The following C1QTNF3 variants were observed in gnomAD, a reference collection of about 807,000 sequenced individuals.
C1QTNF3 encodes complement C1q tumor necrosis factor-related protein 3.
Under a neutral mutation model 32.6 loss-of-function variants are expected in C1QTNF3, and 26 were observed. The observed-to-expected ratio is 0.80, with a 90% CI of 0.58 to 1.11. The LOEUF (loss-of-function observed/expected upper bound fraction) is 1.11, where lower values mean the gene tolerates loss of function less well. Ranked by LOEUF, C1QTNF3 falls within the 50% of genes least tolerant of loss-of-function variation. The pLI, the probability that C1QTNF3 is intolerant of heterozygous loss-of-function variation, is 0.00. For missense variants in C1QTNF3, 362 were observed against 398.2 expected (o/e 0.91, Z 0.77); for synonymous variants, 155 against 146.0 (o/e 1.06, Z -0.44).
the C1QTNF3 span, among the ~76,000 whole-genome samples, chr5:34,134,102 C>T: frequency 8.3e-4 from 127 of 152,208 alleles, 4 homozygotes; most frequent in East Asian, 0.022. Flanking sequence ...AACACCATAT[C>T]ATTTAAGACA....
upstream of C1QTNF3, among the ~76,000 whole-genome samples, chr5:34,046,002 C>T (rs1754979176): frequency 6.6e-6 from 1 of 152,074 alleles, no homozygotes; most frequent in Non-Finnish European, 1.5e-5. Context: ...CAGACAAAGC[C>T]AATTAGGTTT....
the C1QTNF3 span, among the ~76,000 whole-genome samples, chr5:34,064,743 C>T: frequency 1.3e-5 from 2 of 152,078 alleles, no homozygotes; most frequent in Non-Finnish European, 1.5e-5. Flanking sequence ...CAGAAGAGTG[C>T]GCAGTTGCAA....
At chr5:34,068,637 A>C in the C1QTNF3 span, among the ~76,000 whole-genome samples, 1 of 152,116 alleles carries the variant, frequency 6.6e-6, no homozygotes, top group African/African-American at 2.4e-5. Flanking sequence ...CCATAAGCTT[A>C]GTTACATTAT....
At chr5:34,228,286 T>C in the C1QTNF3 span, among the ~76,000 whole-genome samples, 1 of 151,694 alleles carries the variant, frequency 6.6e-6, no homozygotes, top group African/African-American at 2.4e-5. Flanking sequence ...TCTACACTTA[T>C]TTAACTAAAT....
At chr5:34,088,141 T>C in the C1QTNF3 span, among the ~76,000 whole-genome samples, 1 of 152,264 alleles carries the variant, frequency 6.6e-6, no homozygotes, top group African/African-American at 2.4e-5. Context: ...TCTCTAGATT[T>C]GCTTCATTAA....
the C1QTNF3 span, among the ~76,000 whole-genome samples, chr5:34,096,905 T>C: frequency 6.7e-6 from 1 of 149,976 alleles, no homozygotes; most frequent in Admixed American, 6.7e-5. Context: ...CAAAAAGGGA[T>C]GATGAAGGAT....
the C1QTNF3 span, among the ~76,000 whole-genome samples, chr5:34,229,092 C>G: frequency 1.3e-5 from 2 of 152,040 alleles, no homozygotes; most frequent in Non-Finnish European, 2.9e-5. Flanking sequence ...TAACATGCTG[C>G]ACGCAGGAAA....
chr5:34,173,094 G>A, the C1QTNF3 span, among the ~76,000 whole-genome samples: 1 of 152,054 alleles, frequency 6.6e-6, no homozygotes, highest in African/African-American at 2.4e-5. Flanking sequence ...TCCAAGTGTA[G>A]TAACTTACAG....
the C1QTNF3 span, among the ~76,000 whole-genome samples, chr5:34,239,789 A>G: frequency 6.6e-6 from 1 of 151,956 alleles, no homozygotes; most frequent in Non-Finnish European, 1.5e-5. Context: ...TTTGGACCTA[A>G]TAAGACATCT....
intron 3 of C1QTNF3, among the ~76,000 whole-genome samples, chr5:34,032,189 A>C (rs1754630033): frequency 6.6e-6 from 1 of 152,236 alleles, no homozygotes; most frequent in Non-Finnish European, 1.5e-5. Flanking sequence ...GATCCATTTC[A>C]AAATATTAGC....
the C1QTNF3 span, among the ~76,000 whole-genome samples, chr5:34,088,097 A>G: frequency 6.6e-6 from 1 of 152,292 alleles, no homozygotes; most frequent in Non-Finnish European, 1.5e-5. Flanking sequence ...TGTGTTAAAT[A>G]TGGTGCTCAA....
At chr5:34,041,284 T>C (rs923250224) in intron 1 of C1QTNF3, among the ~76,000 whole-genome samples, 1 of 152,214 alleles carries the variant, frequency 6.6e-6, no homozygotes, top group Non-Finnish European at 1.5e-5. Context: ...ATATCTCCTG[T>C]TGGTGGTTTG....
chr5:34,174,881 G>A, the C1QTNF3 span, among the ~76,000 whole-genome samples: 21 of 151,880 alleles, frequency 1.4e-4, no homozygotes, highest in Non-Finnish European at 2.6e-4. Flanking sequence ...TGGGACTACA[G>A]GGACTACAGG....
At chr5:34,049,179 G>GTTCCAGGTCAGC in the C1QTNF3 span, among the ~76,000 whole-genome samples, 2 of 152,142 alleles carry the variant, frequency 1.3e-5, no homozygotes, top group African/African-American at 4.8e-5. Flanking sequence ...GCTGTAGCTG[G>GTTCCAGGTCAGC]TTCCAGGTCA....
At chr5:34,222,577 CA>C in the C1QTNF3 span, among the ~76,000 whole-genome samples, 1 of 151,822 alleles carries the variant, frequency 6.6e-6, no homozygotes, top group Non-Finnish European at 1.5e-5. Flanking sequence ...GGTATATATG[CA>C]ATTTCATAAA....
At chr5:34,070,562 TATTGA>T in the C1QTNF3 span, among the ~76,000 whole-genome samples, 171 of 152,304 alleles carry the variant, frequency 1.1e-3, 1 homozygote, top group African/African-American at 4.1e-3. Context: ...CAAATAGCAG[TATTGA>T]ATTGATTTTT....
At chr5:34,194,947 C>G in the C1QTNF3 span, among the ~76,000 whole-genome samples, 2 of 149,178 alleles carry the variant, frequency 1.3e-5, no homozygotes, top group African/African-American at 5.1e-5. Flanking sequence ...AAAGTCTTTA[C>G]ATGTTCAGTA....
the C1QTNF3 span, among the ~76,000 whole-genome samples, chr5:34,071,867 C>T: frequency 6.3e-3 from 952 of 152,190 alleles, 6 homozygotes; most frequent in Non-Finnish European, 9.9e-3. Context: ...AGTTCCAGGC[C>T]ATTGGAACAG....
At chr5:34,159,742 C>A in the C1QTNF3 span, among the ~76,000 whole-genome samples, 1 of 150,846 alleles carries the variant, frequency 6.6e-6, no homozygotes, top group African/African-American at 2.4e-5. Context: ...GGAATTTGTC[C>A]CTGTACTACT....
Sources: gnomAD v4.1 joint callset for allele counts (sites outside exome capture counted in the v4.1 genomes callset) on GRCh38, gnomAD v4.1.1 for gene constraint, MANE v1.5 for transcripts, NCBI Gene and HGNC (gene_info 2026-07-23, HGNC 2026-07-21) for gene names.